The following ZNF385D variants were observed in gnomAD, a reference collection of about 807,000 sequenced individuals.
ZNF385D encodes the protein zinc finger protein 385D.
In ZNF385D, 15 loss-of-function variants were observed where a neutral mutation model predicts 35.8. The ratio of observed to expected loss-of-function variants is 0.42; its 90% CI spans 0.28 to 0.64. The LOEUF is 0.64. ZNF385D is among the 30% of genes least tolerant of loss of function. ZNF385D has a pLI of 0.23. For missense variants in ZNF385D, 474 were observed against 494.6 expected (o/e 0.96, Z 0.39); for synonymous variants, 212 against 186.8 (o/e 1.13, Z -1.10).
intron 2 of ZNF385D, among the ~76,000 whole-genome samples, chr3:22,248,886 C>A (rs1440691503): frequency 6.6e-6 from 1 of 152,122 alleles, no homozygotes; most frequent in East Asian, 1.9e-4. Flanking sequence ...GAAGCCTGTG[C>A]ATATTTTTCT....
intron 1 of ZNF385D, among the ~76,000 whole-genome samples, chr3:21,665,433 A>C (rs2066376103): frequency 6.6e-6 from 1 of 152,180 alleles, no homozygotes; most frequent in Non-Finnish European, 1.5e-5. Context: ...AGTCTGAGTG[A>C]TTATTTTACA....
chr3:21,572,077 C>G (rs2063351685), intron 2 of ZNF385D, among the ~76,000 whole-genome samples: 1 of 152,106 alleles, frequency 6.6e-6, no homozygotes, highest in South Asian at 2.1e-4. Flanking sequence ...GGCTCAAAGC[C>G]CCAGTCCTTG....
chr3:21,898,289 C>T (rs991905280), intron 3 of ZNF385D, among the ~76,000 whole-genome samples: 38 of 152,152 alleles, frequency 2.5e-4, no homozygotes, highest in African/African-American at 9.2e-4. Flanking sequence ...TAAAACCCCC[C>T]TGAGATCAAG....
chr3:21,828,681 A>G (rs1473710698), intron 3 of ZNF385D, among the ~76,000 whole-genome samples: 1 of 152,222 alleles, frequency 6.6e-6, no homozygotes, highest in African/African-American at 2.4e-5. Flanking sequence ...TACCCCAACA[A>G]ATTACTACAA....
chr3:21,662,600 T>G (rs181227893), intron 2 of ZNF385D, among the ~76,000 whole-genome samples: 1 of 152,300 alleles, frequency 6.6e-6, no homozygotes, highest in East Asian at 1.9e-4. Context: ...GCTACCTGAT[T>G]ATGGGCTTTC....
At chr3:22,293,852 A>G (rs1403852465) in intron 2 of ZNF385D, among the ~76,000 whole-genome samples, 2 of 152,108 alleles carry the variant, frequency 1.3e-5, no homozygotes, top group African/African-American at 2.4e-5. Context: ...TGTTCCTGCA[A>G]TCCCTCCAGG....
At chr3:21,668,728 G>C (rs9828176) in intron 1 of ZNF385D, among the ~76,000 whole-genome samples, 2,329 of 152,246 alleles carry the variant, frequency 0.015, 59 homozygotes, top group African/African-American at 0.053. Context: ...TCAGCAACAA[G>C]AATACTATTT....
chr3:22,216,474 C>T (rs751113277), intron 2 of ZNF385D, among the ~76,000 whole-genome samples: 3 of 151,940 alleles, frequency 2.0e-5, no homozygotes, highest in South Asian at 2.1e-4. Flanking sequence ...AAATAACTAG[C>T]GTTCTTCATG....
At chr3:22,092,578 T>C (rs1226205468) in intron 3 of ZNF385D, among the ~76,000 whole-genome samples, 2 of 152,176 alleles carry the variant, frequency 1.3e-5, no homozygotes, top group South Asian at 2.1e-4. Context: ...TGGATCGGTA[T>C]GGTGTGTGGA....
At chr3:21,786,281 C>T (rs1021526646) in intron 3 of ZNF385D, among the ~76,000 whole-genome samples, 3 of 152,148 alleles carry the variant, frequency 2.0e-5, no homozygotes, top group Admixed American at 1.3e-4. Context: ...CTGTGTCCTA[C>T]GCACGGCATG....
At chr3:21,942,872 T>C (rs12636900) in intron 3 of ZNF385D, among the ~76,000 whole-genome samples, 38,043 of 152,036 alleles carry the variant, frequency 0.25, 4,950 homozygotes, top group East Asian at 0.32. Flanking sequence ...CTAAAAAACA[T>C]AGGATTTCAC....
chr3:21,761,097 G>A (rs2070588246), intron 3 of ZNF385D, among the ~76,000 whole-genome samples: 1 of 152,062 alleles, frequency 6.6e-6, no homozygotes, highest in African/African-American at 2.4e-5. Context: ...AGGTACACAT[G>A]GCAAGGAAGT....
intron 2 of ZNF385D, among the ~76,000 whole-genome samples, chr3:21,583,528 C>T (rs1291790433): frequency 6.6e-6 from 1 of 152,162 alleles, no homozygotes; most frequent in African/African-American, 2.4e-5. Flanking sequence ...ATTTAAAACA[C>T]TGATTTACTA....
chr3:22,146,473 T>C (rs1418328351), intron 3 of ZNF385D, among the ~76,000 whole-genome samples: 1 of 152,150 alleles, frequency 6.6e-6, no homozygotes, highest in Non-Finnish European at 1.5e-5. Context: ...TAAATCAAAC[T>C]GAACATTTGA....
chr3:22,036,467 C>T lies in ZNF385D; in HGVS notation c.325+132350G>A, dbSNP rs191531103. The stretch of plus-strand genomic sequence containing the variant: ...GAAAACTGACCTATCGAGAAATTCA[C>T]AAACCAAGGGGAAAGGAAATAGTGG... On this transcript the variant is annotated intron_variant, in intron 3 of 5. Transcript: ENST00000494108. Among the ~76,000 whole-genome samples the T allele has an allele frequency of 1.9e-3, 290 of 150,918 alleles. 6 individuals carry two copies. Among genetic ancestry groups the T allele is most frequent in the Admixed American group, 0.016 (243 of 15,126 alleles).
intron 2 of ZNF385D, among the ~76,000 whole-genome samples, chr3:21,623,140 T>G (rs984392733): frequency 6.6e-6 from 1 of 152,122 alleles, no homozygotes; most frequent in African/African-American, 2.4e-5. Context: ...TTTCCTCATC[T>G]GTATGTAAAG....
At chr3:21,970,239 C>T (rs757388562) in intron 3 of ZNF385D, among the ~76,000 whole-genome samples, 17 of 152,038 alleles carry the variant, frequency 1.1e-4, no homozygotes, top group Non-Finnish European at 1.9e-4. Flanking sequence ...GCATGAGTGA[C>T]CAAACCCAGA....
At chr3:21,602,465 G>C (rs550393203) in intron 2 of ZNF385D, among the ~76,000 whole-genome samples, 2 of 150,722 alleles carry the variant, frequency 1.3e-5, no homozygotes, top group Non-Finnish European at 2.9e-5. Flanking sequence ...CTAGCGCAGG[G>C]TTAGTAGCAA....
chr3:21,757,318 T>C (rs866221543), intron 3 of ZNF385D, among the ~76,000 whole-genome samples: 7 of 151,972 alleles, frequency 4.6e-5, no homozygotes, highest in African/African-American at 1.7e-4. Flanking sequence ...AATTTTTGTA[T>C]TTTTGGTAGA....
Sources: gnomAD v4.1 joint callset for allele counts (sites outside exome capture counted in the v4.1 genomes callset) on GRCh38, gnomAD v4.1.1 for gene constraint, MANE v1.5 for transcripts, NCBI Gene and HGNC (gene_info 2026-07-23, HGNC 2026-07-21) for gene names.